The following ANO4 variants were observed in gnomAD, a reference collection of about 807,000 sequenced individuals.
The protein encoded by ANO4 is anoctamin 4.
In ANO4, 69 loss-of-function variants were observed where a neutral mutation model predicts 141.9. That is an observed-to-expected ratio of 0.49 (90% confidence interval 0.40 to 0.59). ANO4 has a LOEUF of 0.59. Ranked by LOEUF, ANO4 falls within the 20% of genes least tolerant of loss-of-function variation. The pLI is 0.00. For missense variants in ANO4, 894 were observed against 1,162.2 expected, an observed-to-expected ratio of 0.77 and a Z score of 3.36; for synonymous variants, 350 against 394.3, an observed-to-expected ratio of 0.89 and a Z score of 1.33.
intron 1 of ANO4, among the ~76,000 whole-genome samples, chr12:100,830,681 G>C (rs879757262): frequency 2.6e-5 from 4 of 152,090 alleles, no homozygotes; most frequent in Non-Finnish European, 5.9e-5. Context: ...CATCCTTCCT[G>C]CTCAGACAGG....
At chr12:100,962,863 A>G (rs1320613699) in intron 5 of ANO4, among the ~76,000 whole-genome samples, 1 of 152,204 alleles carries the variant, frequency 6.6e-6, no homozygotes, top group Non-Finnish European at 1.5e-5. Context: ...GCAGTATTCA[A>G]GAAGAGAGAT....
chr12:100,968,025 C>T, intron 5 of ANO4, among the ~76,000 whole-genome samples: 1 of 152,130 alleles, frequency 6.6e-6, no homozygotes, highest in South Asian at 2.1e-4. Flanking sequence ...AAACCACTCT[C>T]ACAGGGTTCA....
At chr12:100,976,471 A>G (rs1592899420) in intron 7 of ANO4, among the ~76,000 whole-genome samples, 1 of 152,216 alleles carries the variant, frequency 6.6e-6, no homozygotes, top group East Asian at 1.9e-4. Flanking sequence ...TCACACTGTA[A>G]TCATCTGTAC....
chr12:101,068,595 A>C (rs747084887), intron 14 of ANO4: 2 of 1,419,098 alleles, frequency 1.4e-6, no homozygotes, highest in Non-Finnish European at 2.0e-6. Context: ...AGTGTGGTGA[A>C]AGTGCTGATG....
chr12:100,928,662 C>G (rs755126671), intron 3 of ANO4, among the ~76,000 whole-genome samples: 1 of 152,070 alleles, frequency 6.6e-6, no homozygotes, highest in Non-Finnish European at 1.5e-5. Flanking sequence ...ATGGAAAGGT[C>G]GCCAAGGCTA....
chr12:101,018,759 C>T (rs1233233882), intron 8 of ANO4, among the ~76,000 whole-genome samples: 1 of 152,168 alleles, frequency 6.6e-6, no homozygotes, highest in African/African-American at 2.4e-5. Flanking sequence ...AGCTCATGGT[C>T]TTACATGGAA....
chr12:101,094,354 A>T (rs1382738176), intron 18 of ANO4, 62 bp downstream of exon 18: 3 of 1,373,772 alleles, frequency 2.2e-6, no homozygotes, highest in African/African-American at 1.5e-5. Context: ...TGGTTCAAAG[A>T]TTCCTTTCTC....
chr12:101,075,936 T>C (rs1476976079), intron 14 of ANO4, among the ~76,000 whole-genome samples: 1 of 152,016 alleles, frequency 6.6e-6, no homozygotes, highest in Non-Finnish European at 1.5e-5. Flanking sequence ...CAACCTGTCT[T>C]GGTTTGACTA....
chr12:100,740,376 A>G (rs1285234294), intron 3 of ANO4, among the ~76,000 whole-genome samples: 1 of 152,072 alleles, frequency 6.6e-6, no homozygotes, highest in Non-Finnish European at 1.5e-5. Flanking sequence ...CACCATGCCC[A>G]GCTCTCACTG....
At chr12:100,808,135 C>T (rs566947676) in intron 1 of ANO4, among the ~76,000 whole-genome samples, 87 of 152,214 alleles carry the variant, frequency 5.7e-4, no homozygotes, top group Admixed American at 1.5e-3. Flanking sequence ...TTTGAGGAAT[C>T]GCCACACTGA....
intron 5 of ANO4, among the ~76,000 whole-genome samples, chr12:100,961,705 C>CTT (rs2043432836): frequency 6.6e-6 from 1 of 152,186 alleles, no homozygotes; most frequent in Non-Finnish European, 1.5e-5. Flanking sequence ...ATTTTACATT[C>CTT]TTTTTTTGTA....
chr12:100,925,822 T>TACAC (rs1416482076), intron 3 of ANO4, among the ~76,000 whole-genome samples: 1 of 146,098 alleles, frequency 6.8e-6, no homozygotes, highest in Non-Finnish European at 1.5e-5. Context: ...TATACATACA[T>TACAC]ACATATATAT....
At chr12:101,092,791 G>T (rs2049832455) in intron 17 of ANO4, among the ~76,000 whole-genome samples, 1 of 152,060 alleles carries the variant, frequency 6.6e-6, no homozygotes, top group South Asian at 2.1e-4. Flanking sequence ...AGCTCCGAGG[G>T]CCTTTTAGAC....
At chr12:100,965,943 C>T (rs1050878958) in intron 5 of ANO4, among the ~76,000 whole-genome samples, 1 of 152,006 alleles carries the variant, frequency 6.6e-6, no homozygotes. Context: ...ATATCCATCA[C>T]CTGGAAGAGT....
rs886777697 is a variant in ANO4, at chr12:101,097,582, C to G, written c.1851-69C>G. 17 of 1,456,530 alleles carry G rather than the reference C, an allele frequency of 1.2e-5. No individual in the cohort carries two copies. The Admixed American group carries it at 2.7e-4, about 23-fold the overall frequency. The allele number at this position is 1,456,530 out of a possible 1,614,324, so 90.2% of individuals were successfully genotyped here. ...CATTCACATTGGAGAATGTGCTAAA[C>G]TAAATGTAATATTCGCTGAAAGCTT... On this transcript the variant is annotated intron_variant, in intron 19 of 27. Transcript: ENST00000392977.
chr12:100,865,848 C>T (rs1336372506), intron 1 of ANO4, among the ~76,000 whole-genome samples: 2 of 152,152 alleles, frequency 1.3e-5, no homozygotes, highest in Non-Finnish European at 2.9e-5. Context: ...CTCTGTTTAT[C>T]TCCCCCAGGT....
intron 1 of ANO4, among the ~76,000 whole-genome samples, chr12:100,868,352 A>G (rs1044735157): frequency 6.6e-6 from 1 of 152,156 alleles, no homozygotes; most frequent in Admixed American, 6.5e-5. Flanking sequence ...GTCCCAGCCC[A>G]CGAGAGTAGA....
chr12:100,797,686 A>C (rs1162271014), intron 1 of ANO4, among the ~76,000 whole-genome samples: 1 of 152,162 alleles, frequency 6.6e-6, no homozygotes, highest in Non-Finnish European at 1.5e-5. Flanking sequence ...ACTATCATCA[A>C]AACTGTGCTT....
intron 27 of ANO4, 138 bp downstream of exon 27, chr12:101,127,212 A>G (rs1470182485): frequency 1.0e-5 from 10 of 958,440 alleles, no homozygotes; most frequent in South Asian, 1.9e-5. Flanking sequence ...ATCCAAAAGA[A>G]GCTTGTTTTT....
Sources: allele counts gnomAD v4.1 joint callset (sites outside exome capture counted in the v4.1 genomes callset), GRCh38; gene constraint gnomAD v4.1.1; transcripts MANE v1.5; gene names NCBI Gene and HGNC (gene_info 2026-07-23, HGNC 2026-07-21).